CDKAL1: variants seen among roughly 807,000 people sequenced by gnomAD.
The protein encoded by CDKAL1 is CDKAL1 threonylcarbamoyladenosine tRNA methylthiotransferase.
CDKAL1 carries 32 observed loss-of-function variants against 68.2 expected under a neutral mutation model. The observed-to-expected ratio is 0.47, with a 90% CI of 0.35 to 0.63. The LOEUF is 0.63. Ranked by LOEUF, CDKAL1 falls within the 30% of genes least tolerant of loss-of-function variation. The probability of loss-of-function intolerance (pLI) is 0.00; values close to 1 mark genes in which losing one functional copy is unlikely to be tolerated. For synonymous variants in CDKAL1, 234 were observed against 244.3 expected (o/e 0.96, Z 0.39); for missense variants, 606 against 696.7 (o/e 0.87, Z 1.47).
chr6:21,050,207 A>G (rs1770466219), intron 11 of CDKAL1, among the ~76,000 whole-genome samples: 1 of 152,206 alleles, frequency 6.6e-6, no homozygotes, highest in Non-Finnish European at 1.5e-5. Context: ...TATAAATATT[A>G]TGTATAATTA....
chr6:21,016,246 A>T (rs929187743), intron 11 of CDKAL1, among the ~76,000 whole-genome samples: 6 of 151,990 alleles, frequency 3.9e-5, no homozygotes, highest in Admixed American at 6.6e-5. Context: ...TTTATACGTG[A>T]GGAAAGTGAA....
chr6:20,974,815 C>A (rs1209176106), intron 10 of CDKAL1, among the ~76,000 whole-genome samples: 69 of 139,026 alleles, frequency 5.0e-4, no homozygotes, highest in South Asian at 4.7e-4. Context: ...CCAGTCTCTG[C>A]AAAAAAAAAA....
chr6:20,928,705 T>C (rs1041985798), intron 9 of CDKAL1, among the ~76,000 whole-genome samples: 5 of 95,930 alleles, frequency 5.2e-5, no homozygotes, highest in African/African-American at 8.0e-5. Flanking sequence ...TTTTTTTTTT[T>C]CATTTTTGTT....
chr6:20,953,821 G>A (rs1385625284), intron 9 of CDKAL1, among the ~76,000 whole-genome samples: 2 of 152,096 alleles, frequency 1.3e-5, no homozygotes, highest in Non-Finnish European at 2.9e-5. Context: ...CTGGAAGTAG[G>A]TATTTAATTT....
intron 8 of CDKAL1, among the ~76,000 whole-genome samples, chr6:20,825,398 A>G (rs922858452): frequency 6.6e-6 from 1 of 152,136 alleles, no homozygotes; most frequent in African/African-American, 2.4e-5. Flanking sequence ...GTGAGAAGAT[A>G]GGCAGATAAG....
intron 5 of CDKAL1, among the ~76,000 whole-genome samples, chr6:20,724,529 C>T (rs1302285742): frequency 2.0e-5 from 3 of 151,738 alleles, no homozygotes; most frequent in Admixed American, 6.6e-5. Context: ...ACAGTGTAGG[C>T]AACATGGTGA....
At chr6:21,064,869 G>T (rs1387374624) in intron 11 of CDKAL1, among the ~76,000 whole-genome samples, 179 bp from the exon 12 acceptor site, 2 of 152,124 alleles carry the variant, frequency 1.3e-5, no homozygotes, top group Non-Finnish European at 2.9e-5. Context: ...GAAATGGCAG[G>T]CAGCCAACTG....
At chr6:20,823,777 T>C (rs1777386510) in intron 8 of CDKAL1, among the ~76,000 whole-genome samples, 1 of 152,194 alleles carries the variant, frequency 6.6e-6, no homozygotes, top group South Asian at 2.1e-4. Context: ...TTTTCTAGGA[T>C]TTGACATTTT....
At chr6:21,043,191 A>G (rs2150898424) in intron 11 of CDKAL1, among the ~76,000 whole-genome samples, 1 of 152,298 alleles carries the variant, frequency 6.6e-6, no homozygotes, top group East Asian at 1.9e-4. Context: ...CACATAGCAC[A>G]GTTATAGAGC....
intron 8 of CDKAL1, among the ~76,000 whole-genome samples, chr6:20,792,449 T>C (rs1362711011): frequency 6.6e-6 from 1 of 152,230 alleles, no homozygotes; most frequent in Non-Finnish European, 1.5e-5. Flanking sequence ...TGAGATCATA[T>C]AGGTTTACAA....
At chr6:21,077,404 A>C (rs1772131474) in intron 12 of CDKAL1, among the ~76,000 whole-genome samples, 1 of 152,212 alleles carries the variant, frequency 6.6e-6, no homozygotes, top group Non-Finnish European at 1.5e-5. Context: ...AAACTTGTGA[A>C]TATGTTACCT....
chr6:20,579,306 T>C (rs1013382968), intron 4 of CDKAL1, among the ~76,000 whole-genome samples: 2 of 152,096 alleles, frequency 1.3e-5, no homozygotes, highest in African/African-American at 4.8e-5. Flanking sequence ...AGAAGAAAGT[T>C]GCAAAATATA....
At chr6:20,778,726 G>A (rs983591241) in intron 7 of CDKAL1, among the ~76,000 whole-genome samples, 1 of 152,204 alleles carries the variant, frequency 6.6e-6, no homozygotes, top group African/African-American at 2.4e-5. Flanking sequence ...ATATTTCAGT[G>A]TGAATCTGAA....
chr6:21,092,376 A>G (rs1773083396), intron 12 of CDKAL1, among the ~76,000 whole-genome samples: 1 of 151,300 alleles, frequency 6.6e-6, no homozygotes, highest in Non-Finnish European at 1.5e-5. Context: ...TTTAAGCCCC[A>G]CAGGCATTAG....
At chr6:20,650,573 C>A (rs1768713716) in intron 5 of CDKAL1, among the ~76,000 whole-genome samples, 1 of 152,086 alleles carries the variant, frequency 6.6e-6, no homozygotes, top group Admixed American at 6.6e-5. Context: ...TTCCATTTGT[C>A]AATTTTTGCT....
chr6:20,926,952 C>G (rs2150664952), intron 9 of CDKAL1, among the ~76,000 whole-genome samples: 1 of 149,188 alleles, frequency 6.7e-6, no homozygotes, highest in African/African-American at 2.4e-5. Flanking sequence ...GAGAGAGAGA[C>G]ATGAATAGAA....
At chr6:20,917,232 C>T (rs570387121) in intron 9 of CDKAL1, among the ~76,000 whole-genome samples, 4 of 152,252 alleles carry the variant, frequency 2.6e-5, no homozygotes, top group Admixed American at 6.5e-5. Context: ...CCGCCCGCCT[C>T]GGCCTCCCAA....
rs1779956642 is a variant in CDKAL1 at position 21,231,049 on chromosome 6, A to G, written c.*10A>G. ...CAAGGTCTATAATTAGAATACAACT[A>G]ATGGAAACATCTATAAAGAAGAATA... On this transcript the variant is annotated 3_prime_UTR_variant, in exon 16 of 16. Coordinates refer to ENST00000274695, the MANE Select transcript of CDKAL1 (RefSeq NM_017774.3). The G allele has an allele frequency of 6.4e-7, 1 of 1,565,844 alleles. No homozygotes were observed.
intron 5 of CDKAL1, among the ~76,000 whole-genome samples, chr6:20,665,475 C>T (rs952135096): frequency 6.6e-6 from 1 of 151,950 alleles, no homozygotes; most frequent in Non-Finnish European, 1.5e-5. Context: ...ATGTGTGTAG[C>T]CTTAACAGCT....
Sources: allele counts gnomAD v4.1 joint callset (sites outside exome capture counted in the v4.1 genomes callset), GRCh38; gene constraint gnomAD v4.1.1; transcripts MANE v1.5; gene names NCBI Gene and HGNC (gene_info 2026-07-23, HGNC 2026-07-21).